RYR3: variants seen among roughly 807,000 people sequenced by gnomAD.
The protein encoded by RYR3 is ryanodine receptor 3, also known as brain ryanodine receptor-calcium release channel.
Under a neutral mutation model 584.3 loss-of-function variants are expected in RYR3, and 207 were observed. The ratio of observed to expected loss-of-function variants is 0.35; its 90% confidence interval spans 0.32 to 0.40. RYR3 has a LOEUF of 0.40. Among genes scored for constraint, RYR3 ranks in the 10% least tolerant of loss-of-function variants. The probability of loss-of-function intolerance (pLI) is 1.00; values close to 1 mark genes in which losing one functional copy is unlikely to be tolerated. For synonymous variants in RYR3, 2,416 were observed against 2,248.5 expected, an observed-to-expected ratio of 1.07 and a Z score of -2.11; for missense variants, 5,616 against 6,089.2, an observed-to-expected ratio of 0.92 and a Z score of 2.59.
At chr15:33,781,176 G>A (rs1230734636) in intron 65 of RYR3, among the ~76,000 whole-genome samples, 1 of 152,194 alleles carries the variant, frequency 6.6e-6, no homozygotes, top group African/African-American at 2.4e-5. Context: ...TTGTATCTGG[G>A]TTAATTGTGA....
At chr15:33,332,809 A>G (rs778549315) in intron 1 of RYR3, among the ~76,000 whole-genome samples, 1 of 152,100 alleles carries the variant, frequency 6.6e-6, no homozygotes, top group South Asian at 2.1e-4. Flanking sequence ...AGCTCAAGCA[A>G]TACTTAGAAA....
chr15:33,524,570 T>C (rs1401582416), intron 3 of RYR3, among the ~76,000 whole-genome samples: 6 of 152,354 alleles, frequency 3.9e-5, no homozygotes, highest in South Asian at 2.1e-4. Context: ...GACTTCCTTA[T>C]GGCCCTTTTC....
chr15:33,355,936 G>A (rs986787550), intron 1 of RYR3, among the ~76,000 whole-genome samples: 2 of 152,156 alleles, frequency 1.3e-5, no homozygotes, highest in Non-Finnish European at 2.9e-5. Context: ...CTTGTTAAGT[G>A]CCTGCTTCAT....
chr15:33,508,729 A>G (rs1040235683), intron 3 of RYR3, among the ~76,000 whole-genome samples: 3 of 152,204 alleles, frequency 2.0e-5, no homozygotes, highest in African/African-American at 7.2e-5. Context: ...TTTATAACAG[A>G]CATCCTCACT....
At chr15:33,602,357 C>T (rs1595786994) in intron 17 of RYR3, among the ~76,000 whole-genome samples, 2 of 152,202 alleles carry the variant, frequency 1.3e-5, no homozygotes, top group East Asian at 3.9e-4. Context: ...CTTTTAACCA[C>T]TTTGCTGGAT....
At chr15:33,499,560 T>G (rs1009154212) in intron 2 of RYR3, among the ~76,000 whole-genome samples, 1 of 152,140 alleles carries the variant, frequency 6.6e-6, no homozygotes, top group Admixed American at 6.5e-5. Context: ...AGTTACTGAG[T>G]TTTGATTTCA....
At chr15:33,474,781 A>T (rs1173032119) in intron 2 of RYR3, among the ~76,000 whole-genome samples, 1 of 152,168 alleles carries the variant, frequency 6.6e-6, no homozygotes, top group Admixed American at 6.5e-5. Flanking sequence ...AACATACACA[A>T]CACAGACATA....
chr15:33,452,607 T>C (rs1047998981), intron 1 of RYR3, among the ~76,000 whole-genome samples: 6 of 152,202 alleles, frequency 3.9e-5, no homozygotes, highest in African/African-American at 1.4e-4. Flanking sequence ...AGTACTGTTT[T>C]GGAGGTTTTA....
chr15:33,473,629 A>G (rs2049128436), intron 2 of RYR3, 91 bp downstream of exon 2: 1 of 1,295,272 alleles, frequency 7.7e-7, no homozygotes, highest in African/African-American at 1.5e-5. Context: ...GGTGATGAGG[A>G]CGACATTTGA....
At chr15:33,346,864 A>C (rs1042207023) in intron 1 of RYR3, among the ~76,000 whole-genome samples, 6 of 152,140 alleles carry the variant, frequency 3.9e-5, no homozygotes, top group Non-Finnish European at 7.4e-5. Flanking sequence ...TAAAAATTGA[A>C]GGCTTAGGTG....
At chr15:33,510,281 A>C (rs1308935060) in intron 3 of RYR3, among the ~76,000 whole-genome samples, 1 of 152,156 alleles carries the variant, frequency 6.6e-6, no homozygotes, top group Admixed American at 6.5e-5. Context: ...TAGGTTCCCC[A>C]CCTCTACATG....
intron 1 of RYR3, among the ~76,000 whole-genome samples, chr15:33,462,308 T>C (rs751632651): frequency 5.3e-5 from 8 of 152,306 alleles, no homozygotes; most frequent in Non-Finnish European, 1.2e-4. Flanking sequence ...AGTGTGCACA[T>C]AAAGGATATT....
chr15:33,376,907 C>T (rs1414471429), intron 1 of RYR3, among the ~76,000 whole-genome samples: 1 of 152,284 alleles, frequency 6.6e-6, no homozygotes, highest in East Asian at 1.9e-4. Context: ...TCCTTGGTGC[C>T]TTTATTGAAA....
chr15:33,838,682 C>T lies in RYR3; in HGVS notation c.12702C>T (p.Asp4234=), dbSNP rs1449763574. Residue 4234 remains aspartate (D), a synonymous_variant, in exon 89 of 104, where the codon GAC becomes GAT. Transcript: ENST00000634891. The part of the protein sequence containing the change: ...KNIRVTKILG[D]MPDPTQFGIH... ...TCAGAGTGACCAAGATCCTGGGTGA[C>T]ATGCCTGACCCAACCCAATTTGGTA... 1 of 1,613,972 alleles carries T rather than the reference C, an allele frequency of 6.2e-7. No homozygotes were observed.
In RYR3 at chr15:33,579,987, G is replaced by A. The variant is rs765542021; in HGVS notation, c.1280G>A (p.Arg427His). 75 of 1,607,798 alleles carry A rather than the reference G, an allele frequency of 4.7e-5. No individual in the cohort carries two copies. The Middle Eastern group carries it at 1.3e-3, about 28-fold the overall frequency. The change falls in exon 13 of 104, where the codon CGC becomes CAC. Residue 427 changes from arginine to histidine, a missense_variant. Coordinates refer to ENST00000634891, the MANE Select transcript of RYR3 (RefSeq NM_001036.6). Reference sequence around the variant, plus strand: ...CTCATGGTTTTTAGCGGAAACAATCGCACAGCTGCCCCCATCACCCTGCCT... The same window carrying A: ...CTCATGGTTTTTAGCGGAAACAATCACACAGCTGCCCCCATCACCCTGCCT... ...LFSQFVSGNN[R>H]TAAPITLPIE...
At chr15:33,770,073 A>C (rs1253550204) in intron 62 of RYR3, among the ~76,000 whole-genome samples, 1 of 151,512 alleles carries the variant, frequency 6.6e-6, no homozygotes, top group Non-Finnish European at 1.5e-5. Flanking sequence ...AGTCGAAGCT[A>C]CTCAGGAGTT....
intron 41 of RYR3, 58 bp downstream of exon 41, chr15:33,699,891 T>C (rs1470653469): frequency 6.4e-7 from 1 of 1,573,310 alleles, no homozygotes; most frequent in South Asian, 1.2e-5. Context: ...CTCCCCCTTT[T>C]GACCACTTAG....
intron 1 of RYR3, among the ~76,000 whole-genome samples, chr15:33,438,112 T>C (rs2045896231): frequency 6.6e-6 from 1 of 152,216 alleles, no homozygotes; most frequent in African/African-American, 2.4e-5. Flanking sequence ...TGATGTTTTT[T>C]GAACTAAGAA....
chr15:33,674,342 A>G (rs1029551964), intron 38 of RYR3, among the ~76,000 whole-genome samples: 1 of 152,110 alleles, frequency 6.6e-6, no homozygotes, highest in African/African-American at 2.4e-5. Context: ...GCCTCTCCCT[A>G]AACACACACA....
Sources: gnomAD v4.1 joint callset for allele counts (sites outside exome capture counted in the v4.1 genomes callset) on GRCh38, gnomAD v4.1.1 for gene constraint, MANE v1.5 for transcripts, NCBI Gene and HGNC (gene_info 2026-07-23, HGNC 2026-07-21) for gene names.